The following UBE2E1 variants were observed in gnomAD, a reference collection of about 807,000 sequenced individuals.
UBE2E1 encodes ubiquitin-conjugating enzyme E2 E1.
Under a neutral mutation model 21.4 loss-of-function variants are expected in UBE2E1, and 6 were observed. The ratio of observed to expected loss-of-function variants is 0.28; its 90% CI spans 0.15 to 0.55. The LOEUF is 0.55. Among genes scored for constraint, UBE2E1 ranks in the 20% least tolerant of loss-of-function variants. The pLI, the probability that UBE2E1 is intolerant of heterozygous loss-of-function variation, is 0.93. For missense variants in UBE2E1, 142 were observed against 236.5 expected (o/e 0.60, Z 2.62); for synonymous variants, 87 against 82.7 (o/e 1.05, Z -0.28).
At chr3:23,883,571 G>A (rs1192868778) in intron 3 of UBE2E1, among the ~76,000 whole-genome samples, 1 of 152,098 alleles carries the variant, frequency 6.6e-6, no homozygotes, top group East Asian at 1.9e-4. Context: ...AAGTACACAT[G>A]ATAAAAAGCT....
At chr3:23,815,576 C>T (rs915096706) in intron 3 of UBE2E1, among the ~76,000 whole-genome samples, 2 of 152,130 alleles carry the variant, frequency 1.3e-5, no homozygotes, top group African/African-American at 2.4e-5. Flanking sequence ...AATACCTCCT[C>T]GAATTGGTGG....
At chr3:23,855,151 G>A (rs570348459) in intron 3 of UBE2E1, among the ~76,000 whole-genome samples, 3 of 152,260 alleles carry the variant, frequency 2.0e-5, no homozygotes, top group African/African-American at 7.2e-5. Context: ...ATTAAAAGCA[G>A]TCTTTGGGTT....
At chr3:23,878,769 C>T (rs867281057) in intron 3 of UBE2E1, among the ~76,000 whole-genome samples, 1 of 152,218 alleles carries the variant, frequency 6.6e-6, no homozygotes, top group Non-Finnish European at 1.5e-5. Context: ...TGTCTAGTTG[C>T]AGGAAAACAA....
chr3:23,859,250 A>G (rs1271248859), intron 3 of UBE2E1, among the ~76,000 whole-genome samples: 1 of 152,118 alleles, frequency 6.6e-6, no homozygotes, highest in East Asian at 1.9e-4. Context: ...TCCTTGACCT[A>G]CTTTTCATCT....
At chr3:23,871,693 C>CG (rs1297652083) in intron 3 of UBE2E1, among the ~76,000 whole-genome samples, 2 of 149,780 alleles carry the variant, frequency 1.3e-5, no homozygotes, top group African/African-American at 2.5e-5. Context: ...ACCTCCCAGA[C>CG]GGGGTCGCGG....
rs1277235145 is a variant in UBE2E1, at chr3:23,870,294, AAGG to A, written c.204-17270_204-17268del. On this transcript the variant is annotated intron_variant, in intron 3 of 5. Coordinates refer to ENST00000306627, the MANE Select transcript of UBE2E1 (RefSeq NM_003341.5). This position sits in a 1 kb window ranked among gnomAD's most constrained non-coding sequence, Gnocchi z 4.2. ...GGACCATAGCTCCTTTTTTTAAAAA[AAGG>A]AGCCAGTTGTGAAGTCACACTTATA... is the stretch of plus-strand genomic sequence containing the variant. Among the ~76,000 whole-genome samples, 2 of 152,190 alleles carry A rather than the reference AAGG, an allele frequency of 1.3e-5. No homozygotes were observed. The highest frequency in any genetic ancestry group is 2.1e-4 in the South Asian group (1 of 4,828).
intron 1 of UBE2E1, 124 bp from the exon 2 acceptor site, chr3:23,807,113 C>G: frequency 1.4e-6 from 1 of 735,302 alleles, no homozygotes; most frequent in Non-Finnish European, 2.1e-6. Context: ...CTTTGAAAAG[C>G]GAGTGGAGGG....
intron 3 of UBE2E1, among the ~76,000 whole-genome samples, chr3:23,880,875 C>T (rs946513589): frequency 3.3e-5 from 5 of 152,206 alleles, no homozygotes; most frequent in African/African-American, 1.2e-4. Context: ...GTTAATACCT[C>T]AAATGATTTG....
intron 3 of UBE2E1, among the ~76,000 whole-genome samples, chr3:23,859,378 A>G (rs1700504348): frequency 6.6e-6 from 1 of 152,078 alleles, no homozygotes; most frequent in Non-Finnish European, 1.5e-5. Context: ...CAACACTGCT[A>G]CCTCCTCACT....
chr3:23,821,221 GAC>G (rs542374863), intron 3 of UBE2E1, among the ~76,000 whole-genome samples: 151 of 152,312 alleles, frequency 9.9e-4, no homozygotes, highest in African/African-American at 3.4e-3. Context: ...GAAAGAAATT[GAC>G]AGAGTGCAGT....
chr3:23,861,514 C>T (rs1316815707), intron 3 of UBE2E1, among the ~76,000 whole-genome samples: 1 of 152,206 alleles, frequency 6.6e-6, no homozygotes, highest in East Asian at 1.9e-4. Flanking sequence ...GCACTCCAGC[C>T]TTCACGTCCA....
In UBE2E1 at chr3:23,808,360, C is replaced by T. The variant is rs1699320623; in HGVS notation, c.152+939C>T. On this transcript the variant is annotated intron_variant, in intron 2 of 5. Coordinates refer to ENST00000306627, the MANE Select transcript of UBE2E1 (RefSeq NM_003341.5). The surrounding 1 kb of genome is among the most constrained non-coding windows in gnomAD (Gnocchi z 4.9). ...GGATTCCTAGGAGCTCTGAGACACC[C>T]TTTCATAAATCCTTCTGCTCTCAGA... Among the ~76,000 whole-genome samples the T allele has an allele frequency of 6.6e-6, 1 of 152,168 alleles. No individual in the cohort carries two copies. Among genetic ancestry groups the T allele is most frequent in the South Asian group, 2.1e-4 (1 of 4,834 alleles).
chr3:23,809,779 A>C (rs1699346542), intron 2 of UBE2E1, among the ~76,000 whole-genome samples: 1 of 152,042 alleles, frequency 6.6e-6, no homozygotes, highest in Non-Finnish European at 1.5e-5. Flanking sequence ...TAGGTCTTAA[A>C]ATACAGTTAT....
At chr3:23,819,723 C>T (rs956706744) in intron 3 of UBE2E1, among the ~76,000 whole-genome samples, 3 of 152,184 alleles carry the variant, frequency 2.0e-5, no homozygotes, top group African/African-American at 7.2e-5. Flanking sequence ...AAATTGCTGT[C>T]ACATTTTACA....
Position 23,849,249 on chromosome 3 carries a change from T to A in UBE2E1, c.203+37739T>A, listed in dbSNP as rs76739190. The stretch of plus-strand genomic sequence containing the variant: ...CATCTAGCCAGTTCCCATCTTGCTA[T>A]TATCCATGGTTTTTATTGTAGTTAG... On this transcript the variant is annotated intron_variant, in intron 3 of 5. Coordinates refer to ENST00000306627, the MANE Select transcript of UBE2E1 (RefSeq NM_003341.5). 6.6e-5 allele frequency among the ~76,000 whole-genome samples: 10 copies of A among 152,314 alleles called. No homozygotes were observed. The East Asian group carries it at 1.2e-3, about 18-fold the overall frequency.
intron 3 of UBE2E1, among the ~76,000 whole-genome samples, chr3:23,883,569 A>G (rs1478757335): frequency 1.3e-5 from 2 of 152,192 alleles, no homozygotes; most frequent in African/African-American, 2.4e-5. Flanking sequence ...GAAAGTACAC[A>G]TGATAAAAAG....
rs1700597004 is a variant in UBE2E1, at chr3:23,863,565, T to C, written c.204-24002T>C. Among the ~76,000 whole-genome samples the C allele has an allele frequency of 6.6e-6, 1 of 152,290 alleles. No homozygotes were observed. The highest frequency in any genetic ancestry group is 6.5e-5 in the Admixed American group (1 of 15,302). Reference sequence around the variant, plus strand: ...ATTTTTTTGAGACGGAGTTTCGCTCTTGTTGCGCAGGCTGGAGTGCAGTGG... The same window carrying C: ...ATTTTTTTGAGACGGAGTTTCGCTCCTGTTGCGCAGGCTGGAGTGCAGTGG... On this transcript the variant is annotated intron_variant, in intron 3 of 5. Coordinates refer to ENST00000306627, the MANE Select transcript of UBE2E1 (RefSeq NM_003341.5). The surrounding 1 kb of genome is among the most constrained non-coding windows in gnomAD (Gnocchi z 4.3).
At chr3:23,885,318 G>A (rs868573262) in intron 3 of UBE2E1, among the ~76,000 whole-genome samples, 2 of 152,106 alleles carry the variant, frequency 1.3e-5, no homozygotes, top group African/African-American at 2.4e-5. Context: ...TAAAAGTTTC[G>A]AGGGGATGCA....
chr3:23,844,165 C>T (rs1380155026), intron 3 of UBE2E1, among the ~76,000 whole-genome samples: 1 of 152,144 alleles, frequency 6.6e-6, no homozygotes, highest in South Asian at 2.1e-4. Context: ...GAGCCCTCCC[C>T]TTCCCCCAGT....
Sources: allele counts gnomAD v4.1 joint callset (sites outside exome capture counted in the v4.1 genomes callset), GRCh38; gene constraint gnomAD v4.1.1; non-coding constraint Gnocchi (gnomAD v3.1); transcripts MANE v1.5; gene names NCBI Gene and HGNC (gene_info 2026-07-23, HGNC 2026-07-21).